Variants in B3GALNT2 observed in about 807,000 individuals in gnomAD.
The protein encoded by B3GALNT2 is UDP-GalNAc:beta-1,3-N-acetylgalactosaminyltransferase 2.
Under a neutral mutation model 61.1 loss-of-function variants are expected in B3GALNT2, and 53 were observed. That is an observed-to-expected ratio of 0.87 (90% CI 0.70 to 1.09). The LOEUF is 1.09. Among genes scored for constraint, B3GALNT2 ranks in the 50% least tolerant of loss-of-function variants. B3GALNT2 has a pLI of 0.00. For synonymous variants in B3GALNT2, 223 were observed against 237.4 expected, an observed-to-expected ratio of 0.94 and a Z score of 0.56; for missense variants, 544 against 623.0, an observed-to-expected ratio of 0.87 and a Z score of 1.35.
At chr1:235,472,297 CT>C (rs1684042634) in intron 5 of B3GALNT2, among the ~76,000 whole-genome samples, 1 of 152,148 alleles carries the variant, frequency 6.6e-6, no homozygotes, top group Admixed American at 6.5e-5. Flanking sequence ...CTATGCCCCC[CT>C]GTCCCAAGGT....
chr1:235,480,896 A>C (rs1684529085), intron 4 of B3GALNT2, among the ~76,000 whole-genome samples: 2 of 113,210 alleles, frequency 1.8e-5, no homozygotes, highest in Non-Finnish European at 3.4e-5. Context: ...GCAGAGCCAG[A>C]CTCTGTCTCA....
intron 3 of B3GALNT2, among the ~76,000 whole-genome samples, chr1:235,487,806 C>G (rs1295072619): frequency 1.3e-5 from 2 of 152,136 alleles, no homozygotes; most frequent in African/African-American, 4.8e-5. Flanking sequence ...GTTTTTGAGA[C>G]AGGGTCTCGC....
At chr1:235,472,423 C>T (rs1039254271) in intron 5 of B3GALNT2, among the ~76,000 whole-genome samples, 28 of 152,278 alleles carry the variant, frequency 1.8e-4, no homozygotes, top group East Asian at 7.7e-4. Context: ...CCTTCTCCTC[C>T]GAGAGGCTTT....
chr1:235,444,151 A>C (rs890794279), downstream of B3GALNT2, among the ~76,000 whole-genome samples: 2 of 152,222 alleles, frequency 1.3e-5, no homozygotes, highest in African/African-American at 4.8e-5. Context: ...GGTATTGCTT[A>C]TAGAAGGCCT....
At position 235,484,467 on chromosome 1, in the gene B3GALNT2, G is replaced by A. The variant is rs140393851; in HGVS notation, c.410C>T (p.Ser137Leu). Residue 137 changes from serine to leucine, a missense_variant, in exon 4 of 12, where the codon TCG becomes TTG. Transcript: ENST00000366600. ...GACAACTCGATCCTCAGGCAGCCCC[G>A]ATGAAGTGTCTTCGGACAGACTGAA... ...EAFSLSEDTS[S>L]GLPEDRVVSV... 1.5e-4 allele frequency: 239 copies of A among 1,614,166 alleles called. No individual in the cohort carries two copies. The highest frequency in any genetic ancestry group is 1.2e-3 in the Middle Eastern group (7 of 6,062).
Position 235,450,223 on chromosome 1 carries a change from G to C in B3GALNT2, c.1486C>G (p.Arg496Gly), listed in dbSNP as rs151155734. 4.2e-5 allele frequency: 68 copies of C among 1,613,874 alleles called. No individual in the cohort carries two copies. Among genetic ancestry groups the C allele is most frequent in the Non-Finnish European group, 5.6e-5 (66 of 1,179,988 alleles). The part of the protein sequence containing the change: ...KLKERCGDPC[R>G]CQAR ...AGTCCCTGTTATCTTGCTTGACATCGACAAGGATCACCGCACCGTTCCTTC... is the reference window on the plus strand; with the variant it reads ...AGTCCCTGTTATCTTGCTTGACATCCACAAGGATCACCGCACCGTTCCTTC... The change falls in exon 12 of 12, where the codon CGA (arginine) becomes GGA (glycine). Residue 496 changes from arginine to glycine, a missense_variant. Coordinates refer to ENST00000366600, the MANE Select transcript of B3GALNT2 (RefSeq NM_152490.5).
intron 7 of B3GALNT2, chr1:235,465,372 G>A (rs1245978215): frequency 2.7e-6 from 1 of 370,156 alleles, no homozygotes; most frequent in African/African-American, 2.1e-5. Flanking sequence ...GAAAGAAAGT[G>A]CATCAGTAGT....
Position 235,489,207 on chromosome 1 carries a change from C to G in B3GALNT2, c.322G>C (p.Asp108His), listed in dbSNP as rs920430546. ...GCEVPVEDRE[D>H]PYSCKLLNIT... ...TTGAGTAGTTTACAGGAATAAGGATCCTCCCTGTCTTCCACAGGCACTTCA... is the reference window on the plus strand; with the variant it reads ...TTGAGTAGTTTACAGGAATAAGGATGCTCCCTGTCTTCCACAGGCACTTCA... Residue 108 changes from aspartate to histidine, a missense_variant, in exon 3 of 12, where the codon GAT becomes CAT. Physicochemically the swap from Asp to His is moderately conservative, Grantham distance 81. Transcript: ENST00000366600. 1 of 1,614,022 alleles carries G rather than the reference C, an allele frequency of 6.2e-7. No individual in the cohort carries two copies. Among genetic ancestry groups the G allele is most frequent in the African/African-American group, 1.3e-5 (1 of 75,034 alleles).
At chr1:235,444,497 G>A (rs572801188), downstream of B3GALNT2, among the ~76,000 whole-genome samples, 91 of 152,164 alleles carry the variant, frequency 6.0e-4, no homozygotes, top group Non-Finnish European at 1.5e-4. Flanking sequence ...CCTTGATCCC[G>A]GGCTCAAGTG....
Position 235,504,204 on chromosome 1 carries a change from G to T in B3GALNT2, c.49C>A (p.Leu17Met). 7.0e-7 allele frequency: 1 copy of T among 1,432,728 alleles called. No homozygotes were observed. The highest frequency in any genetic ancestry group is 1.4e-5 in the South Asian group (1 of 72,638). The allele number at this position is 1,432,728 out of a possible 1,614,324, so 88.8% of individuals were successfully genotyped here. A position where few individuals can be genotyped will look rare whatever the true frequency, so the allele number is the denominator to read the frequency against. The change falls in exon 1 of 12, where the codon CTG becomes ATG. Residue 17 changes from leucine (L) to methionine (M), a missense_variant. By Grantham distance (15) the Leu-to-Met change is conservative. Transcript: ENST00000366600. ...GAGCGCAGCCGCAGCCAGAGGTGCA[G>T]CGCGGCCCCGAGCACACACGGGCAC... is the stretch of plus-strand genomic sequence containing the variant. ...LLCPCVLGAA[L>M]HLWLRLRSPP... is the part of the protein sequence containing the mutation.
At chr1:235,478,006 A>C (rs1334638894) in intron 5 of B3GALNT2, among the ~76,000 whole-genome samples, 3 of 152,178 alleles carry the variant, frequency 2.0e-5, no homozygotes, top group Non-Finnish European at 2.9e-5. Context: ...TGAATGAACA[A>C]ACCAAAGAAT....
downstream of B3GALNT2, among the ~76,000 whole-genome samples, chr1:235,444,631 C>CT (rs1241728510): frequency 6.6e-6 from 1 of 152,210 alleles, no homozygotes; most frequent in African/African-American, 2.4e-5. Context: ...CCTCAAACTC[C>CT]TGAGCTCAAG....
Position 235,448,201 on chromosome 1 carries a change from T to TAA in B3GALNT2, c.*2003_*2004dup. The stretch of plus-strand genomic sequence containing the variant: ...GGCGACAGAGCAAGACTTACTTAAG[T>TAA]AAGTAAGTAAGTCAGTCTCAAAAAA... On this transcript the variant is annotated 3_prime_UTR_variant, in exon 12 of 12. Coordinates refer to ENST00000366600, the MANE Select transcript of B3GALNT2 (RefSeq NM_152490.5). 1 of 662,986 alleles carries TAA rather than the reference T, an allele frequency of 1.5e-6. No homozygotes were observed. Among genetic ancestry groups the TAA allele is most frequent in the East Asian group, 2.8e-5 (1 of 36,084 alleles). The allele number at this position is 662,986 out of a possible 1,614,324, so 41.1% of individuals were successfully genotyped here. A position where few individuals can be genotyped will look rare whatever the true frequency, so the allele number is the denominator to read the frequency against.
chr1:235,440,786 G>C, the B3GALNT2 span: 2 of 152,118 alleles, frequency 1.3e-5, no homozygotes, highest in Admixed American at 1.3e-4. Context: ...CGTCCCGAGG[G>C]CTCGCTACCA....
At chr1:235,481,340 T>C (rs1055447402) in intron 4 of B3GALNT2, among the ~76,000 whole-genome samples, 3 of 152,212 alleles carry the variant, frequency 2.0e-5, no homozygotes, top group Non-Finnish European at 4.4e-5. Context: ...ACTCGCACAC[T>C]ATAAATAGTT....
In B3GALNT2 at chr1:235,447,374, C is replaced by CTATT. The variant is rs979353483; in HGVS notation, c.*2828_*2831dup. On this transcript the variant is annotated 3_prime_UTR_variant, in exon 12 of 12. Transcript: ENST00000366600. ...CTCCAGCTAAAGCTTCAAGGAAACT[C>CTATT]TATTTCTTATAATCAAAATATCCAC... Among the ~76,000 whole-genome samples the CTATT allele has an allele frequency of 9.8e-5, 15 of 152,296 alleles. No homozygotes were observed. Among genetic ancestry groups the CTATT allele is most frequent in the African/African-American group, 2.9e-4 (12 of 41,562 alleles).
In B3GALNT2 at chr1:235,504,393, G is replaced by A. The variant is rs888068131; in HGVS notation, c.-141C>T. 5.9e-6 allele frequency: 5 copies of A among 851,742 alleles called. No individual in the cohort carries two copies. Among genetic ancestry groups the A allele is most frequent in the East Asian group, 7.3e-5 (2 of 27,554 alleles). 52.8% of individuals were successfully genotyped at this position (851,742 alleles called of 1,614,324 possible). On this transcript the variant is annotated 5_prime_UTR_variant, in exon 1 of 12. Coordinates refer to ENST00000366600, the MANE Select transcript of B3GALNT2 (RefSeq NM_152490.5). Reference sequence around the variant, plus strand: ...CCTCGCGCTCGGCGACGTCTGGGGGGCTCCTCGCAGCTCCCGGCCCCGCTC... The same window carrying A: ...CCTCGCGCTCGGCGACGTCTGGGGGACTCCTCGCAGCTCCCGGCCCCGCTC...
intron 8 of B3GALNT2, among the ~76,000 whole-genome samples, chr1:235,456,990 A>C (rs1683194636): frequency 6.6e-6 from 1 of 152,184 alleles, no homozygotes; most frequent in South Asian, 2.1e-4. Context: ...CTCTACTCAC[A>C]GGATGAGTCC....
At chr1:235,451,276 C>T (rs190587970) in intron 11 of B3GALNT2, 1 of 152,254 alleles carries the variant, frequency 6.6e-6, no homozygotes, top group Non-Finnish European at 1.5e-5. Context: ...AGTGCCTACC[C>T]ACAGCTTGCA....
Sources: gnomAD v4.1 joint callset for allele counts (sites outside exome capture counted in the v4.1 genomes callset) on GRCh38, gnomAD v4.1.1 for gene constraint, MANE v1.5 for transcripts, NCBI Gene and HGNC (gene_info 2026-07-23, HGNC 2026-07-21) for gene names.